Variants in ATP7A observed in about 807,000 individuals in gnomAD.
The protein encoded by ATP7A is copper-transporting ATPase 1.
ATP7A carries 7 observed loss-of-function variants against 83.5 expected under a neutral mutation model. The ratio of observed to expected loss-of-function variants is 0.08; its 90% CI spans 0.05 to 0.16. The LOEUF is 0.16. ATP7A is among the 10% of genes least tolerant of loss of function. ATP7A has a pLI of 1.00. For synonymous variants in ATP7A, 354 were observed against 395.2 expected (o/e 0.90, Z 1.24); for missense variants, 940 against 1,120.8 (o/e 0.84, Z 2.30).
intron 5 of ATP7A, among the ~76,000 whole-genome samples, chrX:77,999,857 T>C (rs1349909254): frequency 1.9e-5 from 2 of 103,570 alleles, no homozygotes; most frequent in Admixed American, 2.1e-4. Flanking sequence ...TGAGCTGAGA[T>C]CGTGCCAGCC....
intron 1 of ATP7A, among the ~76,000 whole-genome samples, chrX:77,955,612 T>A (rs1489909680): frequency 9.0e-6 from 1 of 111,656 alleles, no homozygotes; most frequent in South Asian, 3.7e-4. Context: ...ATTTAGCATA[T>A]CTATCACCTC....
chrX:77,954,361 C>G (rs997528842), intron 1 of ATP7A, among the ~76,000 whole-genome samples: 6 of 111,241 alleles, frequency 5.4e-5, no homozygotes, highest in Non-Finnish European at 1.1e-4. Flanking sequence ...CCAGGCTAGT[C>G]TCGAACTCCT....
At chrX:77,987,472 G>GTT (rs1417077114) in intron 2 of ATP7A, among the ~76,000 whole-genome samples, 1 of 108,816 alleles carries the variant, frequency 9.2e-6, no homozygotes, top group Non-Finnish European at 1.9e-5. Flanking sequence ...GTGTGTGTGT[G>GTT]TGTGTGTGTG....
rs1557234931 is a variant in ATP7A at position 78,014,692 on chromosome X, A to G, written c.2437A>G (p.Ile813Val). 2.5e-6 allele frequency: 3 copies of G among 1,209,497 alleles called. No homozygotes were observed. In the South Asian group the frequency reaches 5.3e-5, roughly 21 times the overall value. The change falls in exon 11 of 23, where the codon ATT (isoleucine) becomes GTT (valine). Residue 813 changes from isoleucine to valine, a missense_variant. Ile to Val is a conservative substitution (Grantham distance 29). Coordinates refer to ENST00000341514, the MANE Select transcript of ATP7A (RefSeq NM_000052.7). ...GKTSEALAKL[I>V]SLQATEATIV... is the part of the protein sequence containing the mutation. ...AACATCAGAGGCTCTTGCAAAGTTAATTTCACTACAAGCTACAGAAGCAAC... is the reference window on the plus strand; with the variant it reads ...AACATCAGAGGCTCTTGCAAAGTTAGTTTCACTACAAGCTACAGAAGCAAC...
At chrX:77,936,542 G>GA (rs2149051245) in intron 1 of ATP7A, among the ~76,000 whole-genome samples, 1 of 111,743 alleles carries the variant, frequency 8.9e-6, no homozygotes, top group Non-Finnish European at 1.9e-5. Flanking sequence ...TTCCCAAACT[G>GA]AAACTCTATA....
Position 77,971,835 on chromosome X carries a change from G to T in ATP7A, c.120+74G>T, listed in dbSNP as rs1603378846. 9.2e-6 allele frequency: 10 copies of T among 1,089,012 alleles called. No homozygotes were observed. In the East Asian group the frequency reaches 3.0e-4, roughly 33 times the overall value. 89.7% of individuals were successfully genotyped at this position (1,089,012 alleles called of 1,213,427 possible). A position where few individuals can be genotyped will look rare whatever the true frequency, so the allele number is the denominator to read the frequency against. On this transcript the variant is annotated intron_variant, in intron 2 of 22. Transcript: ENST00000341514. Reference sequence around the variant, plus strand: ...TACTAGAAATTACTTCTAACAATGAGATAGAAGCAGACACACTGACACATT... The same window carrying T: ...TACTAGAAATTACTTCTAACAATGATATAGAAGCAGACACACTGACACATT...
chrX:77,947,395 AAAAATGGTT>A (rs1557226270), intron 1 of ATP7A, among the ~76,000 whole-genome samples: 1 of 110,693 alleles, frequency 9.0e-6, no homozygotes, highest in African/African-American at 3.3e-5. Context: ...TTTTACATAT[AAAAATGGTT>A]AAAATGGTAA....
In ATP7A at chrX:77,948,150, G is replaced by A. The variant is rs192299718; in HGVS notation, c.-21-23471G>A. On this transcript the variant is annotated intron_variant, in intron 1 of 22. Coordinates refer to ENST00000341514, the MANE Select transcript of ATP7A (RefSeq NM_000052.7). Reference sequence around the variant, plus strand: ...GTTCATTCATTCATTCATTCAAGACGGAGTCTTGCTCTGTCACCCAGGCTG... The same window carrying A: ...GTTCATTCATTCATTCATTCAAGACAGAGTCTTGCTCTGTCACCCAGGCTG... 6.1e-3 allele frequency among the ~76,000 whole-genome samples: 632 copies of A among 104,164 alleles called. 3 individuals are homozygous for A. The highest frequency in any genetic ancestry group is 0.021 in the African/African-American group (586 of 28,141). 90.5% of individuals were successfully genotyped at this position (104,164 alleles called of 115,157 possible).
chrX:77,913,691 A>G (rs2077171980), intron 1 of ATP7A, among the ~76,000 whole-genome samples: 1 of 112,036 alleles, frequency 8.9e-6, no homozygotes. Context: ...GTGATTTCCT[A>G]ATCTTTTTGT....
chrX:78,002,015 T>C (rs1308417612), intron 5 of ATP7A, among the ~76,000 whole-genome samples: 4 of 111,004 alleles, frequency 3.6e-5, no homozygotes, highest in Non-Finnish European at 7.5e-5. Context: ...TGTATGTTGG[T>C]ATATTATTGG....
chrX:78,043,169 G>C (rs782468054), intron 20 of ATP7A, 148 bp from the exon 21 acceptor site: 1 of 554,736 alleles, frequency 1.8e-6, no homozygotes, highest in South Asian at 2.8e-5. Flanking sequence ...CGGAAGCTGA[G>C]TCTAAGTTTT....
At chrX:77,984,436 A>ATTCTTCAAGTGG (rs375524891) in intron 2 of ATP7A, among the ~76,000 whole-genome samples, 2 of 109,106 alleles carry the variant, frequency 1.8e-5, no homozygotes, top group African/African-American at 3.4e-5. Context: ...TCTTCAAGTG[A>ATTCTTCAAGTGG]TTCTTCAAGT....
At chrX:77,934,506 A>G (rs2077309148) in intron 1 of ATP7A, among the ~76,000 whole-genome samples, 1 of 111,703 alleles carries the variant, frequency 9.0e-6, no homozygotes, top group South Asian at 3.7e-4. Flanking sequence ...TTTTGGACAG[A>G]TATGATGTCT....
intron 7 of ATP7A, among the ~76,000 whole-genome samples, chrX:78,010,646 C>T (rs2077814607): frequency 1.2e-5 from 1 of 83,063 alleles, no homozygotes; most frequent in South Asian, 8.3e-4. Context: ...GTGGTGCGAT[C>T]TCAGCTCACT....
Position 77,977,931 on chromosome X carries a change from C to G in ATP7A, c.120+6170C>G, listed in dbSNP as rs1160817542. Among the ~76,000 whole-genome samples the G allele has an allele frequency of 2.7e-5, 3 of 111,601 alleles. No homozygotes were observed. The East Asian group carries it at 8.3e-4, about 31-fold the overall frequency. ...TATTCTTTTTTAAAAAAATATTTTACTAAGTGTGAAGTGTTCTGGGGCCAG... is the reference window on the plus strand; with the variant it reads ...TATTCTTTTTTAAAAAAATATTTTAGTAAGTGTGAAGTGTTCTGGGGCCAG... On this transcript the variant is annotated intron_variant, in intron 2 of 22. Transcript: ENST00000341514.
chrX:77,947,474 T>C (rs1237373546), intron 1 of ATP7A, among the ~76,000 whole-genome samples: 1 of 109,835 alleles, frequency 9.1e-6, no homozygotes, highest in African/African-American at 3.3e-5. Context: ...GTCTTGCTCT[T>C]GTAGCCCAGA....
At chrX:77,990,303 C>A (rs2077662122) in intron 4 of ATP7A, among the ~76,000 whole-genome samples, 1 of 111,773 alleles carries the variant, frequency 8.9e-6, no homozygotes, top group Non-Finnish European at 1.9e-5. Flanking sequence ...GCTATATATA[C>A]AATGTGATCA....
At chrX:77,946,754 C>T (rs1188741387) in intron 1 of ATP7A, among the ~76,000 whole-genome samples, 5 of 101,537 alleles carry the variant, frequency 4.9e-5, no homozygotes, top group African/African-American at 1.8e-4. Context: ...AAAAAAACCT[C>T]AGAAAATATC....
In ATP7A at chrX:77,955,495, C is replaced by T. The variant is rs1007603858; in HGVS notation, c.-21-16126C>T. Among the ~76,000 whole-genome samples the T allele has an allele frequency of 7.2e-5, 8 of 111,325 alleles. No homozygotes were observed. In the Admixed American group the frequency reaches 7.7e-4, roughly 11 times the overall value. ...TTGATACATAAAAATACTTCTAGTT[C>T]ATTTGTTTTTAAAATTATTTTGTGG... On this transcript the variant is annotated intron_variant, in intron 1 of 22. Transcript: ENST00000341514.
Sources: allele counts gnomAD v4.1 joint callset (sites outside exome capture counted in the v4.1 genomes callset), GRCh38; gene constraint gnomAD v4.1.1; transcripts MANE v1.5; gene names NCBI Gene and HGNC (gene_info 2026-07-23, HGNC 2026-07-21).